HNRNPR: variants seen among roughly 807,000 people sequenced by gnomAD.
HNRNPR encodes heterogeneous nuclear ribonucleoprotein R.
In HNRNPR, 4 loss-of-function variants were observed where a neutral mutation model predicts 70.3. That is an observed-to-expected ratio of 0.06 (90% confidence interval 0.03 to 0.13). The LOEUF (loss-of-function observed/expected upper bound fraction) is 0.13, where lower values mean the gene tolerates loss of function less well. HNRNPR is among the 10% of genes least tolerant of loss of function. The pLI is 1.00. For missense variants in HNRNPR, 423 were observed against 788.5 expected, an observed-to-expected ratio of 0.54 and a Z score of 5.55; for synonymous variants, 241 against 267.6, an observed-to-expected ratio of 0.90 and a Z score of 0.97.
intron 7 of HNRNPR, among the ~76,000 whole-genome samples, chr1:23,321,281 T>C (rs571209172): frequency 6.6e-6 from 1 of 152,122 alleles, no homozygotes; most frequent in Non-Finnish European, 1.5e-5. Context: ...TTGAGGGCTA[T>C]AGAGCAAAAG....
At chr1:23,325,324 C>T (rs964773864) in intron 5 of HNRNPR, among the ~76,000 whole-genome samples, 1 of 152,066 alleles carries the variant, frequency 6.6e-6, no homozygotes, top group African/African-American at 2.4e-5. Context: ...CCAAAATATG[C>T]CGACATTATT....
intron 8 of HNRNPR, among the ~76,000 whole-genome samples, 155 bp from the exon 9 acceptor site, chr1:23,313,857 A>C (rs1645429447): frequency 6.6e-6 from 1 of 152,180 alleles, no homozygotes; most frequent in Non-Finnish European, 1.5e-5. Flanking sequence ...GGAAAATGAC[A>C]CTGATATCAG....
In HNRNPR at chr1:23,306,020, G is replaced by A. The variant is rs1645197338; in HGVS notation, c.*4434C>T. 1 of 152,084 alleles carries A rather than the reference G, an allele frequency of 6.6e-6. No individual in the cohort carries two copies. Among genetic ancestry groups the A allele is most frequent in the African/African-American group, 2.4e-5 (1 of 41,414 alleles). 9.4% of individuals were successfully genotyped at this position (152,084 alleles called of 1,614,324 possible). ...TGTCTTCTTGTTTTCACTAAAATTA[G>A]TGTGCAATAAATATCTCTTTAAGAT... On this transcript the variant is annotated 3_prime_UTR_variant, in exon 11 of 11. Coordinates refer to ENST00000302271, the MANE Select transcript of HNRNPR (RefSeq NM_005826.5).
chr1:23,334,424 G>A (rs1461885208), intron 4 of HNRNPR, among the ~76,000 whole-genome samples: 1 of 151,668 alleles, frequency 6.6e-6, no homozygotes, highest in South Asian at 2.1e-4. Context: ...TTTTAGTAAA[G>A]ACAGGGTTTC....
At chr1:23,328,915 T>C (rs938777224) in intron 5 of HNRNPR, among the ~76,000 whole-genome samples, 1 of 152,128 alleles carries the variant, frequency 6.6e-6, no homozygotes, top group Non-Finnish European at 1.5e-5. Context: ...GCCCAGGAGT[T>C]TGAGACCAGG....
chr1:23,326,392 C>T (rs1452172434), intron 5 of HNRNPR, among the ~76,000 whole-genome samples: 1 of 152,186 alleles, frequency 6.6e-6, no homozygotes, highest in Admixed American at 6.5e-5. Flanking sequence ...GAAAAGCACA[C>T]AGCATCTATG....
chr1:23,308,446 C>A lies in HNRNPR; in HGVS notation c.*2008G>T, dbSNP rs768427296. ...AAAAAAATCAGGGTTTTACTTAAGT[C>A]TAATTAGATGTATAGTTACAACTTC... On this transcript the variant is annotated 3_prime_UTR_variant, in exon 11 of 11. Coordinates refer to ENST00000302271, the MANE Select transcript of HNRNPR (RefSeq NM_005826.5). 1 of 152,010 alleles carries A rather than the reference C, an allele frequency of 6.6e-6. No individual in the cohort carries two copies. The highest frequency in any genetic ancestry group is 1.5e-5 in the Non-Finnish European group (1 of 67,904). The allele number at this position is 152,010 out of a possible 1,614,324, so 9.4% of individuals were successfully genotyped here. A position where few individuals can be genotyped will look rare whatever the true frequency, so the allele number is the denominator to read the frequency against.
rs1005745166 is a variant in HNRNPR, at chr1:23,305,194, C to T, written c.*5260G>A. On this transcript the variant is annotated 3_prime_UTR_variant, in exon 11 of 11. Coordinates refer to ENST00000302271, the MANE Select transcript of HNRNPR (RefSeq NM_005826.5). Reference sequence around the variant, plus strand: ...CTGGCATTGCATTTTCCTTAACTTACATAAACTCATCAGAATTACATGAAT... The same window carrying T: ...CTGGCATTGCATTTTCCTTAACTTATATAAACTCATCAGAATTACATGAAT... 6.6e-6 allele frequency: 1 copy of T among 152,172 alleles called. No individual in the cohort carries two copies. Among genetic ancestry groups the T allele is most frequent in the Non-Finnish European group, 1.5e-5 (1 of 68,022 alleles). 9.4% of individuals were successfully genotyped at this position (152,172 alleles called of 1,614,324 possible). A position where few individuals can be genotyped will look rare whatever the true frequency, so the allele number is the denominator to read the frequency against.
At chr1:23,323,814 G>C (rs1247395485) in intron 5 of HNRNPR, 82 bp from the exon 6 acceptor site, 1 of 1,046,696 alleles carries the variant, frequency 9.6e-7, no homozygotes, top group Non-Finnish European at 1.5e-6. Context: ...TTTTTTTAAA[G>C]ATGGGGGCAG....
Position 23,307,650 on chromosome 1 carries a change from T to C in HNRNPR, c.*2804A>G, listed in dbSNP as rs1452826653. On this transcript the variant is annotated 3_prime_UTR_variant, in exon 11 of 11. Transcript: ENST00000302271. ...GCTCTTAAAAATTAAAATACCTTCA[T>C]ATAAATACATACATTTAAGCAACTG... 2 of 152,088 alleles carry C rather than the reference T, an allele frequency of 1.3e-5. No homozygotes were observed. The highest frequency in any genetic ancestry group is 4.8e-5 in the African/African-American group (2 of 41,438). 9.4% of individuals were successfully genotyped at this position (152,088 alleles called of 1,614,324 possible).
At chr1:23,336,049 G>T (rs1287799454) in intron 4 of HNRNPR, among the ~76,000 whole-genome samples, 1 of 138,182 alleles carries the variant, frequency 7.2e-6, no homozygotes, top group African/African-American at 2.7e-5. Context: ...CCCGGGAGGC[G>T]GAGCTTGCAG....
chr1:23,342,361 G>A (rs964555597), intron 1 of HNRNPR, among the ~76,000 whole-genome samples: 1 of 152,144 alleles, frequency 6.6e-6, no homozygotes, highest in African/African-American at 2.4e-5. Context: ...AGAAGAAAAT[G>A]CAAAGGATTA....
At chr1:23,337,422 C>G (rs1362431078) in intron 4 of HNRNPR, among the ~76,000 whole-genome samples, 1 of 152,114 alleles carries the variant, frequency 6.6e-6, no homozygotes, top group Admixed American at 6.5e-5. Flanking sequence ...ACTTTGAAGG[C>G]CGAGGTGGGC....
At chr1:23,341,688 T>G (rs566087493) in intron 1 of HNRNPR, among the ~76,000 whole-genome samples, 2 of 152,064 alleles carry the variant, frequency 1.3e-5, no homozygotes, top group Non-Finnish European at 2.9e-5. Flanking sequence ...CCAAATAAAA[T>G]ACTAAGTGAG....
chr1:23,323,092 G>C (rs1054125517), intron 6 of HNRNPR, among the ~76,000 whole-genome samples: 1 of 152,122 alleles, frequency 6.6e-6, no homozygotes, highest in Non-Finnish European at 1.5e-5. Context: ...GAAATAAATC[G>C]TATGAGTAGG....
At chr1:23,341,749 A>T (rs764909653) in intron 1 of HNRNPR, among the ~76,000 whole-genome samples, 5 of 152,236 alleles carry the variant, frequency 3.3e-5, no homozygotes, top group Non-Finnish European at 7.4e-5. Context: ...TGAAATTTTC[A>T]TATCAGTAAA....
At chr1:23,332,864 A>T (rs759354449) in intron 5 of HNRNPR, among the ~76,000 whole-genome samples, 7 of 150,530 alleles carry the variant, frequency 4.7e-5, no homozygotes, top group Non-Finnish European at 8.8e-5. Context: ...CTCTACAGAA[A>T]CAAAAACAAT....
chr1:23,327,647 G>GC (rs774031046), intron 5 of HNRNPR, among the ~76,000 whole-genome samples: 109 of 152,034 alleles, frequency 7.2e-4, no homozygotes, highest in Non-Finnish European at 1.1e-3. Context: ...CGGAGATCAC[G>GC]CCACTGCACT....
chr1:23,335,675 T>A (rs1212614183), intron 4 of HNRNPR, among the ~76,000 whole-genome samples: 1 of 152,070 alleles, frequency 6.6e-6, no homozygotes, highest in Admixed American at 6.6e-5. Flanking sequence ...TCTACCAGTA[T>A]GCCCAGATGG....
Sources: gnomAD v4.1 joint callset for allele counts (sites outside exome capture counted in the v4.1 genomes callset) on GRCh38, gnomAD v4.1.1 for gene constraint, MANE v1.5 for transcripts, NCBI Gene and HGNC (gene_info 2026-07-23, HGNC 2026-07-21) for gene names.